HMGCLL1: variants seen among roughly 807,000 people sequenced by gnomAD.
HMGCLL1 encodes the protein 3-hydroxy-3-methylglutaryl-CoA lyase like 1.
In HMGCLL1, 36 loss-of-function variants were observed where a neutral mutation model predicts 39.1. The observed-to-expected ratio is 0.92, with a 90% CI of 0.71 to 1.22. The LOEUF (loss-of-function observed/expected upper bound fraction) is 1.22. HMGCLL1 is among the 50% of genes most tolerant of loss of function. The pLI, the probability that HMGCLL1 is intolerant of heterozygous loss-of-function variation, is 0.00. For synonymous variants in HMGCLL1, 149 were observed against 144.0 expected, an observed-to-expected ratio of 1.03 and a Z score of -0.25; for missense variants, 451 against 416.5, an observed-to-expected ratio of 1.08 and a Z score of -0.72.
chr6:55,475,134 G>T (rs1765229416), intron 7 of HMGCLL1, among the ~76,000 whole-genome samples: 1 of 151,500 alleles, frequency 6.6e-6, no homozygotes, highest in Non-Finnish European at 1.5e-5. Flanking sequence ...GTCTATTGTG[G>T]GCTGGAGAAT....
At chr6:55,451,765 GT>G (rs780484013) in intron 7 of HMGCLL1, among the ~76,000 whole-genome samples, 3 of 152,186 alleles carry the variant, frequency 2.0e-5, no homozygotes, top group Admixed American at 1.3e-4. Flanking sequence ...ATGTTAATAA[GT>G]TTTTTTAAGT....
the HMGCLL1 span, among the ~76,000 whole-genome samples, chr6:55,621,837 A>G: frequency 1.3e-5 from 2 of 152,204 alleles, no homozygotes; most frequent in East Asian, 3.9e-4. Context: ...CTTTCAAGAT[A>G]TACTAGCTGT....
rs561064194 is a variant in HMGCLL1, at chr6:55,541,922, G to A, written c.190-86C>T. 115 of 928,592 alleles carry A rather than the reference G, an allele frequency of 1.2e-4. No individual in the cohort carries two copies. In the South Asian group the frequency reaches 1.6e-3, roughly 13 times the overall value. The allele number at this position is 928,592 out of a possible 1,614,324, so 57.5% of individuals were successfully genotyped here. The stretch of plus-strand genomic sequence containing the variant: ...AAAATTACTTCCTAAGTCAAAGTGA[G>A]TATTATTTGTAATTTACAAATTCAA... On this transcript the variant is annotated intron_variant, in intron 2 of 8. Transcript: ENST00000274901.
intron 5 of HMGCLL1, among the ~76,000 whole-genome samples, chr6:55,509,576 T>C (rs1251048248): frequency 6.6e-6 from 1 of 151,838 alleles, no homozygotes; most frequent in Non-Finnish European, 1.5e-5. Context: ...TGTGTAGTTA[T>C]AAATTATCTC....
Position 55,572,426 on chromosome 6 carries a change from T to C in HMGCLL1, c.108+6522A>G, listed in dbSNP as rs192080214. 4.3e-4 allele frequency among the ~76,000 whole-genome samples: 66 copies of C among 152,148 alleles called. No individual in the cohort carries two copies. In the East Asian group the frequency reaches 0.012, roughly 28 times the overall value. ...AAGTATATTACACATAAAGAGGGAG[T>C]AAATAGTACATTGTTCTTCAAAGAG... On this transcript the variant is annotated intron_variant, in intron 1 of 8. Coordinates refer to ENST00000274901, the MANE Select transcript of HMGCLL1 (RefSeq NM_001042406.2).
chr6:55,642,602 C>T, the HMGCLL1 span, among the ~76,000 whole-genome samples: 1 of 152,128 alleles, frequency 6.6e-6, no homozygotes, highest in Admixed American at 6.6e-5. Context: ...GTGTTACAAA[C>T]AATCCAATTA....
At chr6:55,612,338 G>C in the HMGCLL1 span, among the ~76,000 whole-genome samples, 1 of 152,264 alleles carries the variant, frequency 6.6e-6, no homozygotes, top group Non-Finnish European at 1.5e-5. Context: ...CTTGTGGATA[G>C]GAAGAATCAA....
chr6:55,644,316 G>A, the HMGCLL1 span, among the ~76,000 whole-genome samples: 1 of 152,018 alleles, frequency 6.6e-6, no homozygotes, highest in Non-Finnish European at 1.5e-5. Context: ...CAGATAGGTA[G>A]TTTGGAAATA....
At chr6:55,440,313 G>T (rs1774754289) in intron 7 of HMGCLL1, among the ~76,000 whole-genome samples, 1 of 152,080 alleles carries the variant, frequency 6.6e-6, no homozygotes, top group Non-Finnish European at 1.5e-5. Flanking sequence ...GGTACAGAGG[G>T]AATAAACAAT....
chr6:55,469,939 ATGT>A (rs1338061451), intron 7 of HMGCLL1, among the ~76,000 whole-genome samples: 7 of 151,990 alleles, frequency 4.6e-5, no homozygotes, highest in African/African-American at 1.7e-4. Flanking sequence ...TGTTTTCCAC[ATGT>A]CCATTTTTAC....
chr6:55,678,757 T>G, the HMGCLL1 span, among the ~76,000 whole-genome samples: 53 of 152,318 alleles, frequency 3.5e-4, no homozygotes, highest in African/African-American at 1.2e-3. Context: ...TAAGAGAATT[T>G]TAACAGAATT....
chr6:55,584,535 AG>A, the HMGCLL1 span, among the ~76,000 whole-genome samples: 1 of 152,132 alleles, frequency 6.6e-6, no homozygotes, highest in Admixed American at 6.6e-5. Context: ...TTCTAGACAA[AG>A]GGTCTCAAAA....
intron 4 of HMGCLL1, among the ~76,000 whole-genome samples, chr6:55,514,641 C>G (rs1767641064): frequency 6.6e-6 from 1 of 152,016 alleles, no homozygotes; most frequent in African/African-American, 2.4e-5. Flanking sequence ...AATATTTTTC[C>G]AATTCATCAT....
the HMGCLL1 span, among the ~76,000 whole-genome samples, chr6:55,601,934 C>T: frequency 6.6e-6 from 1 of 152,030 alleles, no homozygotes; most frequent in African/African-American, 2.4e-5. Context: ...TGTTTTCAGT[C>T]TAAACAAATG....
rs571261300 is a variant in HMGCLL1 at position 55,461,676 on chromosome 6, A to G, written c.796-22117T>C. Among the ~76,000 whole-genome samples the G allele has an allele frequency of 6.6e-5, 10 of 152,284 alleles. No homozygotes were observed. In the South Asian group the frequency reaches 1.7e-3, roughly 25 times the overall value. ...ACAAGGTAACCATGATGTTATCAGA[A>G]CTTAAAGCACCATGAAATTAGATCA... On this transcript the variant is annotated intron_variant, in intron 7 of 8. Coordinates refer to ENST00000274901, the MANE Select transcript of HMGCLL1 (RefSeq NM_001042406.2).
At chr6:55,485,242 T>G (rs1765961179) in intron 7 of HMGCLL1, among the ~76,000 whole-genome samples, 1 of 152,088 alleles carries the variant, frequency 6.6e-6, no homozygotes, top group South Asian at 2.1e-4. Flanking sequence ...CTGCACTTTC[T>G]CTATTTTTTT....
At chr6:55,450,629 G>C (rs1437754464) in intron 7 of HMGCLL1, among the ~76,000 whole-genome samples, 1 of 152,184 alleles carries the variant, frequency 6.6e-6, no homozygotes, top group Admixed American at 6.5e-5. Context: ...AGTTGAGGAA[G>C]AAGTTGAGGG....
the HMGCLL1 span, among the ~76,000 whole-genome samples, chr6:55,641,582 T>C: frequency 6.6e-6 from 1 of 151,780 alleles, no homozygotes; most frequent in African/African-American, 2.4e-5. Flanking sequence ...GAAAACAGAA[T>C]TGGAAGAAGG....
intron 3 of HMGCLL1, among the ~76,000 whole-genome samples, chr6:55,529,275 T>G (rs1768502128): frequency 6.6e-6 from 1 of 152,124 alleles, no homozygotes; most frequent in East Asian, 1.9e-4. Context: ...ATAATAACAC[T>G]GTCAAAGTTG....
Sources: gnomAD v4.1 joint callset for allele counts (sites outside exome capture counted in the v4.1 genomes callset) on GRCh38, gnomAD v4.1.1 for gene constraint, MANE v1.5 for transcripts, NCBI Gene and HGNC (gene_info 2026-07-23, HGNC 2026-07-21) for gene names.